OPCML: variants seen among roughly 807,000 people sequenced by gnomAD.
The protein encoded by OPCML is opioid binding protein/cell adhesion molecule like, also known as opioid-binding protein/cell adhesion molecule.
OPCML carries 13 observed loss-of-function variants against 37.8 expected under a neutral mutation model. That is an observed-to-expected ratio of 0.34 (90% CI 0.22 to 0.55). OPCML has a LOEUF of 0.55. Ranked by LOEUF, OPCML falls within the 20% of genes least tolerant of loss-of-function variation. The pLI is 0.91. For missense variants in OPCML, 341 were observed against 435.6 expected (o/e 0.78, Z 1.93); for synonymous variants, 176 against 168.8 (o/e 1.04, Z -0.33).
intron 4 of OPCML, among the ~76,000 whole-genome samples, chr11:132,483,351 A>G (rs2137029453): frequency 6.6e-6 from 1 of 151,936 alleles, no homozygotes; most frequent in African/African-American, 2.4e-5. Flanking sequence ...TAGGAATCCA[A>G]TTTACAAGGG....
At chr11:132,547,120 C>A (rs1224570563) in intron 3 of OPCML, among the ~76,000 whole-genome samples, 1 of 152,150 alleles carries the variant, frequency 6.6e-6, no homozygotes, top group Non-Finnish European at 1.5e-5. Flanking sequence ...ATGACAAGGG[C>A]AAAAACCATG....
intron 1 of OPCML, chr11:133,005,896 C>T (rs535086142): frequency 1.4e-5 from 14 of 985,382 alleles, no homozygotes; most frequent in Non-Finnish European, 1.6e-5. Context: ...AATTTCCAAT[C>T]ATCCTTTGGG....
chr11:133,418,493 G>C (rs1945815044), intron 1 of OPCML: 1 of 984,556 alleles, frequency 1.0e-6, no homozygotes, highest in Admixed American at 6.2e-5. Flanking sequence ...TAAAATAATA[G>C]TCATAAAACA....
intron 1 of OPCML, among the ~76,000 whole-genome samples, chr11:133,116,232 G>A (rs1184232110): frequency 2.6e-5 from 4 of 152,190 alleles, no homozygotes; most frequent in Non-Finnish European, 4.4e-5. Flanking sequence ...CTCCCAAAGT[G>A]CTGAGATTAC....
At chr11:132,420,717 G>A (rs554822007) in intron 7 of OPCML, among the ~76,000 whole-genome samples, 1 of 152,294 alleles carries the variant, frequency 6.6e-6, no homozygotes, top group South Asian at 2.1e-4. Context: ...GGTGGGGTAG[G>A]AAGGGGAGAC....
At chr11:132,844,928 A>G (rs1941454393) in intron 2 of OPCML, among the ~76,000 whole-genome samples, 1 of 146,844 alleles carries the variant, frequency 6.8e-6, no homozygotes, top group African/African-American at 2.5e-5. Context: ...GAAAGAACAT[A>G]TAGAAATAAA....
intron 3 of OPCML, among the ~76,000 whole-genome samples, chr11:132,588,242 C>T (rs188530224): frequency 6.8e-4 from 104 of 152,100 alleles, no homozygotes; most frequent in African/African-American, 2.0e-3. Flanking sequence ...GTCCCATGTC[C>T]GGTTTTAATA....
chr11:133,024,050 A>T (rs1288417328), intron 1 of OPCML, among the ~76,000 whole-genome samples: 1 of 152,194 alleles, frequency 6.6e-6, no homozygotes, highest in Non-Finnish European at 1.5e-5. Flanking sequence ...TTTATTACGT[A>T]TTTCACAGGA....
Position 132,747,496 on chromosome 11 carries a change from A to G in OPCML, c.147-90177T>C, listed in dbSNP as rs951966806. 2.6e-5 allele frequency among the ~76,000 whole-genome samples: 4 copies of G among 152,304 alleles called. No individual in the cohort carries two copies. In the East Asian group the frequency reaches 5.8e-4, roughly 22 times the overall value. Reference sequence around the variant, plus strand: ...TTTTTGTCAAATAGGATCCCAACACAGAGAAATTTTGGTGACTCCAGGAAC... The same window carrying G: ...TTTTTGTCAAATAGGATCCCAACACGGAGAAATTTTGGTGACTCCAGGAAC... On this transcript the variant is annotated intron_variant, in intron 2 of 7. Transcript: ENST00000524381.
chr11:132,897,417 C>T (rs1327477635), intron 2 of OPCML, among the ~76,000 whole-genome samples: 1 of 152,152 alleles, frequency 6.6e-6, no homozygotes, highest in Non-Finnish European at 1.5e-5. Flanking sequence ...AGCAGTCCCT[C>T]ATCAAATAAT....
At chr11:132,549,236 A>G (rs375883922) in intron 3 of OPCML, among the ~76,000 whole-genome samples, 1 of 152,192 alleles carries the variant, frequency 6.6e-6, no homozygotes, top group Non-Finnish European at 1.5e-5. Flanking sequence ...ATGCATTAGC[A>G]TGCTAAAAGA....
chr11:133,510,970 C>A (rs1948145141), intron 1 of OPCML, among the ~76,000 whole-genome samples: 1 of 152,138 alleles, frequency 6.6e-6, no homozygotes, highest in Admixed American at 6.6e-5. Context: ...GCCCCATAGC[C>A]ATTTCAAGTT....
At chr11:132,472,960 T>C (rs1169216885) in intron 4 of OPCML, among the ~76,000 whole-genome samples, 2 of 152,264 alleles carry the variant, frequency 1.3e-5, no homozygotes, top group African/African-American at 2.4e-5. Flanking sequence ...GGATTCTTTC[T>C]ATGTATCCTT....
chr11:132,734,918 T>C (rs1945199728), intron 2 of OPCML, among the ~76,000 whole-genome samples: 1 of 152,090 alleles, frequency 6.6e-6, no homozygotes, highest in Non-Finnish European at 1.5e-5. Flanking sequence ...CACTGGAAAC[T>C]GAAAGAAAGG....
intron 1 of OPCML, among the ~76,000 whole-genome samples, chr11:133,366,711 CTT>C (rs1025416884): frequency 3.3e-5 from 5 of 152,202 alleles, no homozygotes; most frequent in East Asian, 3.9e-4. Context: ...ATTTTGCTCT[CTT>C]GTTTGTAATA....
intron 1 of OPCML, among the ~76,000 whole-genome samples, chr11:133,344,693 T>C (rs1331106624): frequency 1.3e-5 from 2 of 152,220 alleles, no homozygotes; most frequent in East Asian, 3.9e-4. Flanking sequence ...TGTGACACTC[T>C]GCATTTCAAA....
chr11:132,617,606 C>T (rs1939120121), intron 3 of OPCML, among the ~76,000 whole-genome samples: 1 of 152,214 alleles, frequency 6.6e-6, no homozygotes, highest in South Asian at 2.1e-4. Flanking sequence ...GAACAAAATA[C>T]CACAGGCTGA....
intron 2 of OPCML, among the ~76,000 whole-genome samples, chr11:132,808,644 T>C (rs374928940): frequency 1.6e-4 from 25 of 152,348 alleles, no homozygotes; most frequent in Middle Eastern, 3.4e-3. Context: ...GGTATGACTG[T>C]CGTCTTTCCT....
At chr11:133,010,348 G>A (rs1947192191) in intron 1 of OPCML, among the ~76,000 whole-genome samples, 1 of 152,252 alleles carries the variant, frequency 6.6e-6, no homozygotes, top group Non-Finnish European at 1.5e-5. Flanking sequence ...TGGATAATTT[G>A]TGAATAAATG....
Sources: gnomAD v4.1 joint callset for allele counts (sites outside exome capture counted in the v4.1 genomes callset) on GRCh38, gnomAD v4.1.1 for gene constraint, MANE v1.5 for transcripts, NCBI Gene and HGNC (gene_info 2026-07-23, HGNC 2026-07-21) for gene names.